The following PKP4 variants were observed in gnomAD, a reference collection of about 807,000 sequenced individuals.
PKP4 encodes plakophilin 4.
In PKP4, 90 loss-of-function variants were observed where a neutral mutation model predicts 145.1. That is an observed-to-expected ratio of 0.62 (90% CI 0.52 to 0.74). The LOEUF is 0.74. Ranked by LOEUF, PKP4 falls within the 30% of genes least tolerant of loss-of-function variation. PKP4 has a pLI of 0.00. For missense variants in PKP4, 1,340 were observed against 1,482.7 expected, an observed-to-expected ratio of 0.90 and a Z score of 1.58; for synonymous variants, 563 against 577.2, an observed-to-expected ratio of 0.98 and a Z score of 0.35.
intron 4 of PKP4, among the ~76,000 whole-genome samples, chr2:158,603,347 C>G (rs1041570420): frequency 3.3e-5 from 5 of 152,120 alleles, no homozygotes; most frequent in Admixed American, 3.3e-4. Context: ...AACCCCATAT[C>G]TGAAAGTTTC....
chr2:158,608,808 C>CCT (rs2050867155), intron 4 of PKP4, among the ~76,000 whole-genome samples: 1 of 86,182 alleles, frequency 1.2e-5, no homozygotes, highest in South Asian at 3.6e-4. Context: ...TCTTTTCTTT[C>CCT]TTTTTTTTTT....
In PKP4 at chr2:158,533,195, C is replaced by G. The variant is rs1236693589; in HGVS notation, c.11C>G (p.Pro4Arg). The stretch of plus-strand genomic sequence containing the variant: ...TTGATTGCAGGAGGAATGCCAGCTC[C>G]TGAGCAGGCCTCATTGGTGGAGGAG... The part of the protein sequence containing the change: MPA[P>R]EQASLVEEGQ... Residue 4 changes from proline to arginine, a missense_variant, in exon 2 of 22, where the codon CCT becomes CGT. Transcript: ENST00000389759. 2 of 1,611,988 alleles carry G rather than the reference C, an allele frequency of 1.2e-6. No individual in the cohort carries two copies. The highest frequency in any genetic ancestry group is 1.7e-6 in the Non-Finnish European group (2 of 1,179,466).
At position 158,625,155 on chromosome 2, in the gene PKP4, G is replaced by A. The variant is rs368335691; in HGVS notation, c.881G>A (p.Arg294Gln). Residue 294 changes from arginine (R) to glutamine (Q), a missense_variant, in exon 7 of 22, where the codon CGG becomes CAG. Physicochemically the swap from Arg to Gln is conservative, Grantham distance 43. Transcript: ENST00000389759. The part of the protein sequence containing the change: ...AIRRIGSVTS[R>Q]QTSNPNGPTP... Reference sequence around the variant, plus strand: ...CGGCGGATTGGGTCAGTCACCTCCCGGCAGACCTCCAATCCCAACGGACCA... The same window carrying A: ...CGGCGGATTGGGTCAGTCACCTCCCAGCAGACCTCCAATCCCAACGGACCA... 38 of 1,613,942 alleles carry A rather than the reference G, an allele frequency of 2.4e-5. 2 individuals carry two copies. Among genetic ancestry groups the A allele is most frequent in the South Asian group, 1.6e-4 (15 of 91,088 alleles).
chr2:158,500,825 G>T (rs1475244815), intron 1 of PKP4, among the ~76,000 whole-genome samples: 1 of 152,182 alleles, frequency 6.6e-6, no homozygotes, highest in Non-Finnish European at 1.5e-5. Flanking sequence ...TGACAGTTTT[G>T]CCTTTAGAAG....
chr2:158,506,102 G>C (rs1380863307), intron 1 of PKP4, among the ~76,000 whole-genome samples: 1 of 152,224 alleles, frequency 6.6e-6, no homozygotes, highest in Non-Finnish European at 1.5e-5. Context: ...TGATCAGACT[G>C]CGTTTCCTTC....
chr2:158,666,268 A>G (rs2057072054), intron 15 of PKP4, 145 bp from the exon 16 acceptor site: 2 of 665,224 alleles, frequency 3.0e-6, no homozygotes, highest in Non-Finnish European at 4.5e-6. Flanking sequence ...TTTTCTCTTC[A>G]CTGACACCAC....
intron 4 of PKP4, among the ~76,000 whole-genome samples, chr2:158,606,664 A>G (rs898047813): frequency 7.9e-5 from 12 of 152,188 alleles, no homozygotes; most frequent in African/African-American, 2.9e-4. Context: ...CTTTTGAGAG[A>G]AATGGGGAAC....
intron 13 of PKP4, chr2:158,662,662 G>T: frequency 2.8e-6 from 1 of 360,600 alleles, no homozygotes; most frequent in Non-Finnish European, 5.0e-6. Flanking sequence ...AAGCATTTCG[G>T]TCGGCATGAA....
intron 2 of PKP4, among the ~76,000 whole-genome samples, chr2:158,574,670 C>G (rs547385700): frequency 1.3e-5 from 2 of 152,078 alleles, no homozygotes; most frequent in Non-Finnish European, 2.9e-5. Context: ...TGTTAAGTCA[C>G]TTTTACAAAT....
intron 3 of PKP4, among the ~76,000 whole-genome samples, chr2:158,602,362 A>G (rs375135143): frequency 5.0e-4 from 76 of 152,284 alleles, no homozygotes; most frequent in African/African-American, 1.7e-3. Flanking sequence ...TCATATGTGA[A>G]ATGCTTAATC....
intron 3 of PKP4, among the ~76,000 whole-genome samples, chr2:158,587,605 T>C (rs756515804): frequency 6.6e-6 from 1 of 152,080 alleles, no homozygotes; most frequent in Non-Finnish European, 1.5e-5. Flanking sequence ...TATTTTCTTA[T>C]TACTATTATT....
chr2:158,593,969 T>A (rs1450667169), intron 3 of PKP4, among the ~76,000 whole-genome samples: 1 of 152,250 alleles, frequency 6.6e-6, no homozygotes, highest in Admixed American at 6.5e-5. Flanking sequence ...CTGTTGCTCA[T>A]GATTTTGTAA....
chr2:158,555,825 T>A (rs1217555774), intron 2 of PKP4, among the ~76,000 whole-genome samples: 2 of 152,232 alleles, frequency 1.3e-5, no homozygotes, highest in East Asian at 3.8e-4. Flanking sequence ...TTCTGTGGCC[T>A]ATTTTTTTGT....
chr2:158,505,850 G>A (rs905190974), intron 1 of PKP4, among the ~76,000 whole-genome samples: 3 of 152,050 alleles, frequency 2.0e-5, no homozygotes, highest in Non-Finnish European at 2.9e-5. Flanking sequence ...TGGAAGTACC[G>A]GTGTGGAGGA....
chr2:158,516,882 C>T (rs2041984187), intron 1 of PKP4, among the ~76,000 whole-genome samples: 2 of 152,020 alleles, frequency 1.3e-5, no homozygotes, highest in South Asian at 4.1e-4. Context: ...AGGCTGGTCT[C>T]GAACTTCTGA....
intron 11 of PKP4, among the ~76,000 whole-genome samples, chr2:158,650,708 C>T (rs535675105): frequency 2.2e-4 from 33 of 152,318 alleles, no homozygotes; most frequent in Admixed American, 1.1e-3. Context: ...CTTCCCACTG[C>T]GCTGAAAGCT....
In PKP4 at chr2:158,642,804, A is replaced by G; in HGVS notation, c.1909+105A>G. The G allele has an allele frequency of 8.1e-6, 6 of 741,476 alleles. No homozygotes were observed. The South Asian group carries it at 1.0e-4, about 13-fold the overall frequency. The allele number at this position is 741,476 out of a possible 1,614,324, so 45.9% of individuals were successfully genotyped here. On this transcript the variant is annotated intron_variant, in intron 11 of 21. Transcript: ENST00000389759. The stretch of plus-strand genomic sequence containing the variant: ...AAGAGTTGGAGGTTCCAGGTAATAG[A>G]TAATGAGATATATATAGTGCTCACA...
At chr2:158,620,838 AGTT>A in intron 4 of PKP4, 149 bp from the exon 5 acceptor site, 1 of 622,532 alleles carries the variant, frequency 1.6e-6, no homozygotes, top group Non-Finnish European at 2.8e-6. Flanking sequence ...ACATTCATAT[AGTT>A]AAGAGTCAGA....
At chr2:158,496,172 G>GA (rs1358282098) in intron 1 of PKP4, among the ~76,000 whole-genome samples, 1 of 1,550 alleles carries the variant, frequency 6.5e-4, no homozygotes, top group Non-Finnish European at 2.8e-3. Context: ...AGTAGAGACA[G>GA]GTTTCGCCAT....
Sources: allele counts gnomAD v4.1 joint callset (sites outside exome capture counted in the v4.1 genomes callset), GRCh38; gene constraint gnomAD v4.1.1; transcripts MANE v1.5; gene names NCBI Gene and HGNC (gene_info 2026-07-23, HGNC 2026-07-21).